Variants in STAC observed in about 807,000 individuals in gnomAD.
STAC encodes SH3 and cysteine rich domain, also known as SH3 and cysteine-rich domain-containing protein.
In STAC, 43 loss-of-function variants were observed where a neutral mutation model predicts 48.8. The observed-to-expected ratio is 0.88, with a 90% CI of 0.69 to 1.14. The LOEUF (loss-of-function observed/expected upper bound fraction) is 1.14. Among genes scored for constraint, STAC ranks in the 50% most tolerant of loss-of-function variants. STAC has a pLI of 0.00. For synonymous variants in STAC, 193 were observed against 179.5 expected (o/e 1.07, Z -0.60); for missense variants, 497 against 504.0 (o/e 0.99, Z 0.13).
intron 2 of STAC, among the ~76,000 whole-genome samples, chr3:36,461,041 A>G (rs1171915512): frequency 2.0e-5 from 3 of 152,242 alleles, no homozygotes. Context: ...CAATTCCACA[A>G]TCCAGATAGA....
chr3:36,383,437 G>C (rs1258262689), intron 1 of STAC, among the ~76,000 whole-genome samples: 1 of 152,082 alleles, frequency 6.6e-6, no homozygotes, highest in Non-Finnish European at 1.5e-5. Flanking sequence ...TTCATGGACA[G>C]TATTGTTTTA....
chr3:36,455,761 G>A (rs1575212050), intron 2 of STAC, among the ~76,000 whole-genome samples: 2 of 52,528 alleles, frequency 3.8e-5, no homozygotes, highest in South Asian at 1.0e-3. Flanking sequence ...AAACAGGCAG[G>A]TGTGTGTGTG....
intron 1 of STAC, among the ~76,000 whole-genome samples, chr3:36,395,827 C>G (rs566198047): frequency 2.6e-5 from 4 of 151,988 alleles, no homozygotes; most frequent in African/African-American, 9.7e-5. Context: ...CAGTAATCTA[C>G]ATTTAAATCT....
At chr3:36,513,376 G>T (rs757576953) in intron 8 of STAC, among the ~76,000 whole-genome samples, 5 of 152,084 alleles carry the variant, frequency 3.3e-5, no homozygotes, top group Non-Finnish European at 5.9e-5. Context: ...CTCTACTTTT[G>T]CCCAAAATGT....
At chr3:36,505,963 C>G in intron 8 of STAC, 129 bp downstream of exon 8, 1 of 598,582 alleles carries the variant, frequency 1.7e-6, no homozygotes, top group Non-Finnish European at 2.9e-6. Flanking sequence ...TAGCATGTAT[C>G]TAATGACCTG....
chr3:36,489,298 G>A (rs1192302746), intron 5 of STAC, among the ~76,000 whole-genome samples: 1 of 152,196 alleles, frequency 6.6e-6, no homozygotes, highest in Non-Finnish European at 1.5e-5. Flanking sequence ...TGTGAAGAAT[G>A]AGGAAGAATT....
At chr3:36,384,685 GAAGAT>G (rs1265517577) in intron 1 of STAC, among the ~76,000 whole-genome samples, 1 of 152,032 alleles carries the variant, frequency 6.6e-6, no homozygotes, top group Non-Finnish European at 1.5e-5. Context: ...GCATCCCCAA[GAAGAT>G]AAGACATAGA....
chr3:36,380,513 G>C lies in STAC; in HGVS notation c.-131G>C. On this transcript the variant is annotated 5_prime_UTR_variant, in exon 1 of 11. Coordinates refer to ENST00000273183, the MANE Select transcript of STAC (RefSeq NM_003149.3). Reference sequence around the variant, plus strand: ...AGGGAGCGAGGCTGGAGGAGGGCACGTCGGCGCCTCGGCGAGGATGGGAGT... The same window carrying C: ...AGGGAGCGAGGCTGGAGGAGGGCACCTCGGCGCCTCGGCGAGGATGGGAGT... 1 of 663,128 alleles carries C rather than the reference G, an allele frequency of 1.5e-6. No individual in the cohort carries two copies. The highest frequency in any genetic ancestry group is 2.6e-5 in the Admixed American group (1 of 38,774). 41.1% of individuals were successfully genotyped at this position (663,128 alleles called of 1,614,324 possible).
intron 1 of STAC, among the ~76,000 whole-genome samples, chr3:36,440,181 C>T (rs374816047): frequency 6.6e-6 from 1 of 152,222 alleles, no homozygotes; most frequent in Non-Finnish European, 1.5e-5. Flanking sequence ...TGGCTTCACA[C>T]AACCACACCT....
At chr3:36,482,072 A>G (rs528548161) in intron 2 of STAC, among the ~76,000 whole-genome samples, 1 of 152,224 alleles carries the variant, frequency 6.6e-6, no homozygotes, top group South Asian at 2.1e-4. Context: ...GCAAAAATAC[A>G]TTTTGGCACC....
chr3:36,545,991 G>A (rs1296746909), intron 10 of STAC, among the ~76,000 whole-genome samples, 200 bp from the exon 11 acceptor site: 1 of 152,034 alleles, frequency 6.6e-6, no homozygotes, highest in Non-Finnish European at 1.5e-5. Context: ...CAATGCCTGG[G>A]CCTCATTCCA....
intron 8 of STAC, among the ~76,000 whole-genome samples, chr3:36,523,069 G>A (rs1011132808): frequency 6.6e-6 from 1 of 152,168 alleles, no homozygotes; most frequent in Non-Finnish European, 1.5e-5. Context: ...AGAGAGACAG[G>A]ACTGCTGAGA....
At chr3:36,388,466 A>C (rs992361441) in intron 1 of STAC, among the ~76,000 whole-genome samples, 4 of 152,040 alleles carry the variant, frequency 2.6e-5, no homozygotes, top group Non-Finnish European at 5.9e-5. Flanking sequence ...TTTTCAATGT[A>C]GAAGTTTCCT....
At chr3:36,481,288 G>A (rs1456460392) in intron 2 of STAC, among the ~76,000 whole-genome samples, 1 of 152,310 alleles carries the variant, frequency 6.6e-6, no homozygotes, top group African/African-American at 2.4e-5. Flanking sequence ...CCAGTATGAT[G>A]AGCACCTTAT....
chr3:36,444,841 T>A (rs1436119480), intron 2 of STAC, among the ~76,000 whole-genome samples: 2 of 152,140 alleles, frequency 1.3e-5, no homozygotes, highest in Non-Finnish European at 1.5e-5. Flanking sequence ...ACTTCACATC[T>A]CCATACGGAC....
At chr3:36,442,566 A>C (rs1210276550) in intron 1 of STAC, among the ~76,000 whole-genome samples, 1 of 152,126 alleles carries the variant, frequency 6.6e-6, no homozygotes, top group Non-Finnish European at 1.5e-5. Context: ...GGGTAGATTA[A>C]ACTCAAACCC....
chr3:36,499,911 G>T (rs964655455), intron 6 of STAC, among the ~76,000 whole-genome samples: 282 of 152,026 alleles, frequency 1.9e-3, no homozygotes, highest in African/African-American at 6.4e-3. Context: ...TTGACTTTAA[G>T]ACCAAGAAAG....
chr3:36,428,827 T>C (rs1206694623), intron 1 of STAC, among the ~76,000 whole-genome samples: 4 of 152,198 alleles, frequency 2.6e-5, no homozygotes, highest in African/African-American at 9.6e-5. Context: ...TTAGATTTTA[T>C]TGTAACTACA....
chr3:36,429,839 G>C (rs1700655654), intron 1 of STAC, among the ~76,000 whole-genome samples: 1 of 152,192 alleles, frequency 6.6e-6, no homozygotes, highest in Admixed American at 6.5e-5. Context: ...AGCTTACCCT[G>C]CCTGACCCAG....
Sources: allele counts gnomAD v4.1 joint callset (sites outside exome capture counted in the v4.1 genomes callset), GRCh38; gene constraint gnomAD v4.1.1; transcripts MANE v1.5; gene names NCBI Gene and HGNC (gene_info 2026-07-23, HGNC 2026-07-21).